Variants in ADGRV1 observed in about 807,000 individuals in gnomAD.
The protein encoded by ADGRV1 is G-protein coupled receptor 98.
Under a neutral mutation model 596.2 loss-of-function variants are expected in ADGRV1, and 359 were observed. The observed-to-expected ratio is 0.60, with a 90% CI of 0.55 to 0.66. The LOEUF (loss-of-function observed/expected upper bound fraction) is 0.66, where lower values mean the gene tolerates loss of function less well. Among genes scored for constraint, ADGRV1 ranks in the 30% least tolerant of loss-of-function variants. ADGRV1 has a pLI of 0.00. For missense variants in ADGRV1, 7,274 were observed against 7,575.6 expected (o/e 0.96, Z 1.48); for synonymous variants, 2,681 against 2,679.2 (o/e 1.00, Z -0.02).
intron 5 of ADGRV1, among the ~76,000 whole-genome samples, chr5:90,623,295 C>G (rs1167569729): frequency 5.3e-5 from 8 of 152,150 alleles, no homozygotes; most frequent in Non-Finnish European, 1.0e-4. Context: ...AATGTTAATT[C>G]TATAAAATTC....
At chr5:90,611,467 A>G (rs1385629071) in intron 1 of ADGRV1, among the ~76,000 whole-genome samples, 1 of 151,978 alleles carries the variant, frequency 6.6e-6, no homozygotes, top group Non-Finnish European at 1.5e-5. Context: ...TTTCTTTTGA[A>G]TCATACAAAA....
intron 45 of ADGRV1, among the ~76,000 whole-genome samples, chr5:90,722,815 A>G (rs1368797419): frequency 6.7e-6 from 1 of 148,246 alleles, no homozygotes; most frequent in Non-Finnish European, 1.5e-5. Flanking sequence ...ATTTGAAGTC[A>G]TGGAAATTGA....
chr5:90,630,166 T>G (rs1366116087), intron 9 of ADGRV1: 1 of 152,038 alleles, frequency 6.6e-6, no homozygotes, highest in African/African-American at 2.4e-5. Flanking sequence ...CCTGGCTAAT[T>G]TTTGTGTTTT....
intron 83 of ADGRV1, among the ~76,000 whole-genome samples, chr5:90,882,727 T>C (rs771324361): frequency 2.6e-4 from 40 of 152,244 alleles, no homozygotes; most frequent in South Asian, 1.2e-3. Context: ...CTAGGGCATA[T>C]GGATTAAGGT....
At position 90,593,335 on chromosome 5, in the gene ADGRV1, A is replaced by G. The variant is rs1189713635; in HGVS notation, c.23-21500A>G. Among the ~76,000 whole-genome samples the G allele has an allele frequency of 5.3e-5, 8 of 152,154 alleles. No individual in the cohort carries two copies. The South Asian group carries it at 6.2e-4, about 12-fold the overall frequency. The stretch of plus-strand genomic sequence containing the variant: ...ATGAAACTGGAAGCCATCATTCTGA[A>G]CAAACTATCACAAGGACGGAAAACC... On this transcript the variant is annotated intron_variant, in intron 1 of 89. Transcript: ENST00000405460.
chr5:90,770,372 A>C (rs760026114), intron 59 of ADGRV1, among the ~76,000 whole-genome samples: 4 of 152,150 alleles, frequency 2.6e-5, no homozygotes, highest in South Asian at 4.1e-4. Flanking sequence ...GCTACAATTC[A>C]AGATGAGATT....
At chr5:91,134,190 C>CTTT (rs765170987) in intron 87 of ADGRV1, among the ~76,000 whole-genome samples, 1 of 142,194 alleles carries the variant, frequency 7.0e-6, no homozygotes, top group African/African-American at 2.6e-5. Context: ...CTGTTTCTTT[C>CTTT]TTTTTTTTTT....
intron 76 of ADGRV1, among the ~76,000 whole-genome samples, chr5:90,824,767 C>T (rs1245217240): frequency 1.3e-5 from 2 of 152,198 alleles, no homozygotes; most frequent in Admixed American, 1.3e-4. Context: ...ATCAGTTAAA[C>T]AGTTGACTTC....
intron 83 of ADGRV1, among the ~76,000 whole-genome samples, chr5:90,951,397 T>C (rs1213057312): frequency 6.6e-6 from 1 of 152,070 alleles, no homozygotes; most frequent in Non-Finnish European, 1.5e-5. Context: ...AAATAGACAA[T>C]AGGATTTTAA....
At chr5:90,811,377 A>G (rs770414261) in intron 74 of ADGRV1, 39 bp downstream of exon 74, 1 of 1,493,648 alleles carries the variant, frequency 6.7e-7, no homozygotes, top group South Asian at 1.4e-5. Context: ...ATATACTTTT[A>G]TGGTACATAA....
chr5:90,819,964 G>T (rs1763311247), intron 75 of ADGRV1, among the ~76,000 whole-genome samples: 1 of 150,510 alleles, frequency 6.6e-6, no homozygotes, highest in Non-Finnish European at 1.5e-5. Flanking sequence ...CAATTCCTGG[G>T]TATCCTTGTT....
Position 90,712,362 on chromosome 5 carries a change from G to A in ADGRV1, c.9118G>A (p.Asp3040Asn), listed in dbSNP as rs752833651. Residue 3040 changes from aspartate (D) to asparagine (N), a missense_variant, in exon 42 of 90, where the codon GAT (aspartate) becomes AAT (asparagine). By Grantham distance (23) the Asp-to-Asn change is conservative. This residue lies in a region of ADGRV1 where 3,643 missense variants were observed against 3,809.2 expected (regional missense o/e 0.96). Transcript: ENST00000405460. ...TCTTGATGATGACATTCCAGAAGGA[G>A]ATGAAAAATTTCAGCTGATTTTAAC... The part of the protein sequence containing the change: ...MILDDDIPEG[D>N]EKFQLILTNP... 2 of 1,576,404 alleles carry A rather than the reference G, an allele frequency of 1.3e-6. No individual in the cohort carries two copies. Among genetic ancestry groups the A allele is most frequent in the Non-Finnish European group, 1.7e-6 (2 of 1,156,178 alleles).
chr5:90,659,555 A>C (rs1009884810), intron 21 of ADGRV1, among the ~76,000 whole-genome samples: 8 of 152,224 alleles, frequency 5.3e-5, no homozygotes, highest in African/African-American at 9.7e-5. Flanking sequence ...AAAGTACTAG[A>C]GTATGTTTCC....
intron 45 of ADGRV1, among the ~76,000 whole-genome samples, chr5:90,724,266 G>T (rs768295850): frequency 2.0e-5 from 3 of 152,116 alleles, no homozygotes; most frequent in Non-Finnish European, 2.9e-5. Context: ...GTCTGGCCAT[G>T]TCACCCAAGC....
chr5:91,117,169 AT>A, intron 87 of ADGRV1, among the ~76,000 whole-genome samples: 1 of 152,320 alleles, frequency 6.6e-6, no homozygotes, highest in South Asian at 2.1e-4. Context: ...AGCACAATTG[AT>A]TATCAAATTT....
intron 87 of ADGRV1, among the ~76,000 whole-genome samples, chr5:91,125,248 A>T (rs1793650047): frequency 6.6e-6 from 1 of 152,188 alleles, no homozygotes; most frequent in Non-Finnish European, 1.5e-5. Context: ...CTTGTACGAG[A>T]GTCTTTTAAA....
chr5:90,863,785 C>T lies in ADGRV1; in HGVS notation c.17784C>T (p.Ile5928=), dbSNP rs778348420. The change falls in exon 83 of 90, where the codon ATC becomes ATT. Residue 5928 remains isoleucine (I), a synonymous_variant. Coordinates refer to ENST00000405460, the MANE Select transcript of ADGRV1 (RefSeq NM_032119.4). ...SGLCLAVLSH[I]FCARYSMFAA... ...TTTGCTTGGCTGTTCTTTCCCATAT[C>T]TTCTGTGCCAGGTACTCCATGTTTG... The T allele has an allele frequency of 6.1e-5, 98 of 1,613,324 alleles. No homozygotes were observed. The highest frequency in any genetic ancestry group is 8.1e-5 in the Non-Finnish European group (95 of 1,179,488).
chr5:90,773,944 T>G (rs920497375), intron 59 of ADGRV1, among the ~76,000 whole-genome samples: 7 of 152,200 alleles, frequency 4.6e-5, no homozygotes, highest in African/African-American at 1.7e-4. Flanking sequence ...ACGGTTAACA[T>G]TTTTCAGTAA....
intron 85 of ADGRV1, among the ~76,000 whole-genome samples, chr5:91,030,634 A>C (rs917419103): frequency 6.6e-6 from 1 of 152,144 alleles, no homozygotes; most frequent in Non-Finnish European, 1.5e-5. Context: ...TATACTTAAC[A>C]CAATGGAAAT....
Sources: gnomAD v4.1 joint callset for allele counts (sites outside exome capture counted in the v4.1 genomes callset) on GRCh38, gnomAD v4.1.1 for gene constraint, gnomAD v4.1.1 regional missense constraint, MANE v1.5 for transcripts, NCBI Gene and HGNC (gene_info 2026-07-23, HGNC 2026-07-21) for gene names.